Variants in OSBPL6 observed in about 807,000 individuals in gnomAD.
The protein encoded by OSBPL6 is oxysterol binding protein like 6, also known as oxysterol-binding protein-related protein 6.
A neutral mutation model predicts 125.8 loss-of-function variants in OSBPL6; 49 were observed. The observed-to-expected ratio is 0.39, with a 90% CI of 0.31 to 0.49. The LOEUF is 0.49. Ranked by LOEUF, OSBPL6 falls within the 20% of genes least tolerant of loss-of-function variation. The pLI is 0.88. For missense variants in OSBPL6, 986 were observed against 1,135.4 expected, an observed-to-expected ratio of 0.87 and a Z score of 1.89; for synonymous variants, 394 against 391.8, an observed-to-expected ratio of 1.01 and a Z score of -0.07.
chr2:178,337,979 T>C (rs1375262595), intron 9 of OSBPL6, among the ~76,000 whole-genome samples: 2 of 128,514 alleles, frequency 1.6e-5, no homozygotes, highest in Non-Finnish European at 3.3e-5. Flanking sequence ...TCTTGCTCTA[T>C]TGCATAGGCT....
At chr2:178,215,640 T>C (rs750855458) in intron 1 of OSBPL6, among the ~76,000 whole-genome samples, 1 of 151,992 alleles carries the variant, frequency 6.6e-6, no homozygotes, top group Non-Finnish European at 1.5e-5. Context: ...GGGAGTGTCG[T>C]GTTCCTGTGA....
intron 13 of OSBPL6, among the ~76,000 whole-genome samples, chr2:178,368,411 C>T (rs1388596457): frequency 6.6e-6 from 1 of 152,160 alleles, no homozygotes; most frequent in Non-Finnish European, 1.5e-5. Flanking sequence ...TCTACCACTG[C>T]ATAGATATTA....
At chr2:178,274,741 A>G (rs2092435933) in intron 1 of OSBPL6, among the ~76,000 whole-genome samples, 1 of 152,172 alleles carries the variant, frequency 6.6e-6, no homozygotes, top group African/African-American at 2.4e-5. Context: ...GAAATTTCAA[A>G]CCAATATTAC....
intron 1 of OSBPL6, among the ~76,000 whole-genome samples, chr2:178,242,229 G>A (rs2091320385): frequency 6.6e-6 from 1 of 152,188 alleles, no homozygotes; most frequent in Non-Finnish European, 1.5e-5. Context: ...ACTCACAGCT[G>A]AACTCTGCCT....
chr2:178,297,533 G>T (rs573637075), intron 2 of OSBPL6, among the ~76,000 whole-genome samples: 2 of 152,170 alleles, frequency 1.3e-5, no homozygotes, highest in East Asian at 1.9e-4. Context: ...GAAGATTTAA[G>T]TCCTAATTAA....
At chr2:178,341,681 G>A (rs1690211365) in intron 11 of OSBPL6, among the ~76,000 whole-genome samples, 1 of 152,142 alleles carries the variant, frequency 6.6e-6, no homozygotes, top group East Asian at 1.9e-4. Flanking sequence ...GGGAGATTTA[G>A]TTCCAATTCC....
chr2:178,269,079 G>A (rs1303931058), intron 1 of OSBPL6, among the ~76,000 whole-genome samples: 2 of 152,162 alleles, frequency 1.3e-5, no homozygotes, highest in Non-Finnish European at 2.9e-5. Context: ...AGTATTGGCA[G>A]GCCAGGGTAT....
chr2:178,226,075 C>A (rs2153974833), intron 1 of OSBPL6, among the ~76,000 whole-genome samples: 1 of 152,330 alleles, frequency 6.6e-6, no homozygotes, highest in Middle Eastern at 3.4e-3. Flanking sequence ...GGGCCATAAG[C>A]AGCAAGGGAG....
chr2:178,288,580 GA>G (rs915194282), intron 2 of OSBPL6, among the ~76,000 whole-genome samples: 3 of 150,102 alleles, frequency 2.0e-5, no homozygotes, highest in Admixed American at 1.3e-4. Flanking sequence ...CTAAGTGGGG[GA>G]AAAAAAGGAG....
intron 2 of OSBPL6, among the ~76,000 whole-genome samples, chr2:178,288,940 G>T (rs576837784): frequency 7.0e-4 from 106 of 151,524 alleles, no homozygotes; most frequent in Non-Finnish European, 1.4e-3. Flanking sequence ...GTGAGCCACC[G>T]TGCCCGGCCA....
At position 178,305,841 on chromosome 2, in the gene OSBPL6, C is replaced by T. The variant is rs568308280; in HGVS notation, c.-155-189C>T. Among the ~76,000 whole-genome samples the T allele has an allele frequency of 2.9e-4, 28 of 97,228 alleles. No individual in the cohort carries two copies. The South Asian group carries it at 0.01, about 35-fold the overall frequency. 63.8% of individuals were successfully genotyped at this position (97,228 alleles called of 152,430 possible). A position where few individuals can be genotyped will look rare whatever the true frequency, so the allele number is the denominator to read the frequency against. ...GATTTCTTCCCATTTTGCTTGTTAA[C>T]AGTCCTTTTTTTTTTTTTTTTTACA... is the stretch of plus-strand genomic sequence containing the variant. On this transcript the variant is annotated intron_variant, in intron 2 of 24. Transcript: ENST00000190611.
intron 11 of OSBPL6, among the ~76,000 whole-genome samples, chr2:178,340,037 A>G (rs1559266237): frequency 6.6e-6 from 1 of 152,164 alleles, no homozygotes; most frequent in Non-Finnish European, 1.5e-5. Flanking sequence ...AACCATTAAA[A>G]TATATTTTAA....
chr2:178,209,445 T>C (rs865962086), intron 1 of OSBPL6, among the ~76,000 whole-genome samples: 25 of 148,988 alleles, frequency 1.7e-4, no homozygotes, highest in African/African-American at 4.4e-4. Context: ...CTTTCTTTTT[T>C]TTTTTTTTTT....
At chr2:178,316,065 T>G (rs937130563) in intron 3 of OSBPL6, among the ~76,000 whole-genome samples, 1 of 152,168 alleles carries the variant, frequency 6.6e-6, no homozygotes, top group Non-Finnish European at 1.5e-5. Context: ...TAAAGGAAAG[T>G]TCTGCACATA....
At chr2:178,330,242 A>G (rs961743775) in intron 5 of OSBPL6, among the ~76,000 whole-genome samples, 4 of 152,222 alleles carry the variant, frequency 2.6e-5, no homozygotes, top group Non-Finnish European at 4.4e-5. Flanking sequence ...AAACCGTCAA[A>G]GAAACAAATT....
intron 1 of OSBPL6, among the ~76,000 whole-genome samples, chr2:178,214,821 C>T (rs2090020648): frequency 6.6e-6 from 1 of 151,798 alleles, no homozygotes; most frequent in South Asian, 2.1e-4. Flanking sequence ...TATGGTGGCA[C>T]GTGCTTGTAG....
chr2:178,383,002 A>C lies in OSBPL6; in HGVS notation c.1622-22A>C, dbSNP rs769806419. ...AAATCAGAACAGCAAAGTGTCCTTCACTGTGACTCTCCTTCTTCCAGTCCT... is the reference window on the plus strand; with the variant it reads ...AAATCAGAACAGCAAAGTGTCCTTCCCTGTGACTCTCCTTCTTCCAGTCCT... On this transcript the variant is annotated intron_variant, in intron 16 of 24. Coordinates refer to ENST00000190611, the MANE Select transcript of OSBPL6 (RefSeq NM_032523.4). 5 of 1,613,024 alleles carry C rather than the reference A, an allele frequency of 3.1e-6. No individual in the cohort carries two copies. In the South Asian group the frequency reaches 5.5e-5, roughly 18 times the overall value.
intron 13 of OSBPL6, among the ~76,000 whole-genome samples, chr2:178,367,032 A>G (rs997301491): frequency 6.6e-6 from 1 of 152,252 alleles, no homozygotes; most frequent in African/African-American, 2.4e-5. Context: ...CAGTAACAGC[A>G]TAAGTGTCCA....
At chr2:178,311,661 G>T (rs921628751) in intron 3 of OSBPL6, among the ~76,000 whole-genome samples, 2 of 152,208 alleles carry the variant, frequency 1.3e-5, no homozygotes, top group Non-Finnish European at 2.9e-5. Context: ...CAGAGGTCTT[G>T]ATAGCTGCAA....
Sources: allele counts gnomAD v4.1 joint callset (sites outside exome capture counted in the v4.1 genomes callset), GRCh38; gene constraint gnomAD v4.1.1; transcripts MANE v1.5; gene names NCBI Gene and HGNC (gene_info 2026-07-23, HGNC 2026-07-21).